ITCH: variants seen among roughly 807,000 people sequenced by gnomAD.
ITCH encodes the protein itchy E3 ubiquitin protein ligase, also known as E3 ubiquitin-protein ligase Itchy homolog.
Under a neutral mutation model 126.8 loss-of-function variants are expected in ITCH, and 28 were observed. That is an observed-to-expected ratio of 0.22 (90% confidence interval 0.16 to 0.30). The LOEUF (loss-of-function observed/expected upper bound fraction) is 0.30. ITCH is among the 10% of genes least tolerant of loss of function. ITCH has a pLI of 1.00. For missense variants in ITCH, 631 were observed against 1,032.4 expected (o/e 0.61, Z 5.33); for synonymous variants, 342 against 340.0 (o/e 1.01, Z -0.06).
At position 34,369,349 on chromosome 20, in the gene ITCH, A is replaced by AAAC. The variant is rs528761066; in HGVS notation, c.-98-43_-98-42insCAA. The AAAC allele has an allele frequency of 1.3e-3, 398 of 313,496 alleles. 3 individuals are homozygous for AAAC. The highest frequency in any genetic ancestry group is 0.011 in the African/African-American group (310 of 27,480). 19.4% of individuals were successfully genotyped at this position (313,496 alleles called of 1,614,324 possible). A position where few individuals can be genotyped will look rare whatever the true frequency, so the allele number is the denominator to read the frequency against. ...TCCATCTCAAAAACAAACAAACAAA[A>AAAC]AAATATAGAAGTAATGTGTTAATGG... On this transcript the variant is annotated intron_variant, in intron 1 of 24. Transcript: ENST00000374864.
intron 2 of ITCH, among the ~76,000 whole-genome samples, chr20:34,381,754 T>A (rs893788690): frequency 1.3e-5 from 2 of 151,620 alleles, no homozygotes; most frequent in East Asian, 3.9e-4. Context: ...CCCAGCTATT[T>A]GGGGGAGAAT....
At chr20:34,450,613 A>G (rs1229009004) in intron 12 of ITCH, among the ~76,000 whole-genome samples, 3 of 152,268 alleles carry the variant, frequency 2.0e-5, no homozygotes, top group Non-Finnish European at 4.4e-5. Context: ...CATAGAAGCA[A>G]GATAATAATA....
intron 2 of ITCH, among the ~76,000 whole-genome samples, chr20:34,374,656 C>T (rs1406959801): frequency 1.3e-5 from 2 of 151,998 alleles, no homozygotes; most frequent in Non-Finnish European, 2.9e-5. Flanking sequence ...AATGACAGAT[C>T]AGACTGGGAC....
At position 34,479,569 on chromosome 20, in the gene ITCH, T is replaced by C. The variant is rs75863647; in HGVS notation, c.1659-61T>C. The stretch of plus-strand genomic sequence containing the variant: ...TAGATCCCTGAGAACTTTATAGCAC[T>C]GTTCTTTGATTTCTTGGTAACCTAC... On this transcript the variant is annotated intron_variant, in intron 17 of 24. Transcript: ENST00000374864. 358 of 1,418,990 alleles carry C rather than the reference T, an allele frequency of 2.5e-4. No individual in the cohort carries two copies. The African/African-American group carries it at 4.6e-3, about 18-fold the overall frequency. 87.9% of individuals were successfully genotyped at this position (1,418,990 alleles called of 1,614,324 possible).
intron 16 of ITCH, chr20:34,476,542 G>T: frequency 1.1e-6 from 1 of 932,734 alleles, no homozygotes; most frequent in Non-Finnish European, 1.4e-6. Flanking sequence ...TTTCTCATTT[G>T]CGTTGCTGTA....
At chr20:34,367,165 G>T (rs757679423) in intron 1 of ITCH, among the ~76,000 whole-genome samples, 1 of 152,116 alleles carries the variant, frequency 6.6e-6, no homozygotes, top group South Asian at 2.1e-4. Context: ...ATTTGGAAGA[G>T]AACTTGAAGT....
At chr20:34,476,514 A>T (rs1194968182) in intron 16 of ITCH, 3 of 1,122,364 alleles carry the variant, frequency 2.7e-6, no homozygotes, top group African/African-American at 1.6e-5. Context: ...ATTTAAAGAT[A>T]GTTTTAACCT....
rs1016991485 is a variant in ITCH, at chr20:34,497,072, C to T, written c.2416+4475C>T. On this transcript the variant is annotated intron_variant, in intron 23 of 24. Coordinates refer to ENST00000374864, the MANE Select transcript of ITCH (RefSeq NM_031483.7). ...AGTACAGTGGCGAGATCTCGGCTCC[C>T]CACAACCTCCGCCTCCCAGGATCAA... Among the ~76,000 whole-genome samples the T allele has an allele frequency of 2.6e-5, 4 of 151,952 alleles. No homozygotes were observed. In the East Asian group the frequency reaches 5.9e-4, roughly 22 times the overall value.
intron 24 of ITCH, among the ~76,000 whole-genome samples, chr20:34,505,452 C>T (rs974516870): frequency 6.6e-6 from 1 of 152,176 alleles, no homozygotes; most frequent in Non-Finnish European, 1.5e-5. Context: ...CAGTCACTCC[C>T]TTTTTACCCC....
intron 14 of ITCH, among the ~76,000 whole-genome samples, chr20:34,463,061 G>A (rs934901456): frequency 1.3e-5 from 2 of 152,046 alleles, no homozygotes; most frequent in African/African-American, 4.8e-5. Flanking sequence ...CTGAACATTG[G>A]TATATAATTT....
Position 34,462,076 on chromosome 20 carries a change from T to C in ITCH, c.1296-17T>C. On this transcript the variant is annotated splice_polypyrimidine_tract_variant and intron_variant, in intron 13 of 24. Coordinates refer to ENST00000374864, the MANE Select transcript of ITCH (RefSeq NM_031483.7). ...CTCTTTAATATTTTTGTTTATGTTTTTTCCTGTGTTTCGTAGTCAATTAAA... is the reference window on the plus strand; with the variant it reads ...CTCTTTAATATTTTTGTTTATGTTTCTTCCTGTGTTTCGTAGTCAATTAAA... The C allele has an allele frequency of 6.2e-7, 1 of 1,612,938 alleles. No individual in the cohort carries two copies.
intron 12 of ITCH, among the ~76,000 whole-genome samples, chr20:34,456,184 G>GTATATATA (rs1326551793): frequency 6.3e-5 from 3 of 47,260 alleles, no homozygotes; most frequent in Non-Finnish European, 1.0e-4. Context: ...GTGTGTGTGT[G>GTATATATA]TATATATATA....
At chr20:34,382,751 A>G (rs1412428149) in intron 2 of ITCH, among the ~76,000 whole-genome samples, 1 of 142,356 alleles carries the variant, frequency 7.0e-6, no homozygotes, top group Non-Finnish European at 1.5e-5. Flanking sequence ...TATTATTATT[A>G]TTATTATTTT....
rs147636046 is a variant in ITCH, at chr20:34,481,093, G to A, written c.1980G>A (p.Leu660=). The A allele has an allele frequency of 8.3e-5, 134 of 1,613,484 alleles. No homozygotes were observed. In the Middle Eastern group the frequency reaches 1.7e-3, roughly 20 times the overall value. ...VKENNIEECD[L]EMYFSVDKEI... is the part of the protein sequence containing the mutation. ...AAAACAATATTGAGGAATGTGATTT[G>A]GAAATGTACTTCTCCGTTGACAAAG... Residue 660 remains leucine (L), a synonymous_variant, in exon 20 of 25, where the codon TTG becomes TTA. Transcript: ENST00000374864.
intron 20 of ITCH, among the ~76,000 whole-genome samples, chr20:34,486,011 A>AT (rs1423961712): frequency 6.6e-6 from 1 of 151,746 alleles, no homozygotes; most frequent in Non-Finnish European, 1.5e-5. Context: ...ATATCCCACA[A>AT]TTTTTTGTTG....
intron 4 of ITCH, among the ~76,000 whole-genome samples, chr20:34,412,308 A>G (rs1233551392): frequency 6.6e-6 from 1 of 152,254 alleles, no homozygotes; most frequent in Non-Finnish European, 1.5e-5. Flanking sequence ...TCTGTAGTTC[A>G]ACTGCAAGTG....
chr20:34,476,952 A>G (rs957882219), intron 16 of ITCH, among the ~76,000 whole-genome samples: 1 of 151,998 alleles, frequency 6.6e-6, no homozygotes, highest in African/African-American at 2.4e-5. Flanking sequence ...AAATATGAAG[A>G]TGATCCTATT....
At chr20:34,395,821 C>T (rs961052063) in intron 3 of ITCH, among the ~76,000 whole-genome samples, 8 of 151,918 alleles carry the variant, frequency 5.3e-5, no homozygotes, top group African/African-American at 9.7e-5. Flanking sequence ...TATGAGTATA[C>T]GAAATTTTAA....
intron 12 of ITCH, among the ~76,000 whole-genome samples, chr20:34,456,169 T>C (rs974970987): frequency 3.5e-4 from 13 of 37,088 alleles, no homozygotes; most frequent in Admixed American, 2.9e-3. Flanking sequence ...TGTGTGTGTG[T>C]GTGTGTGTGT....
Sources: gnomAD v4.1 joint callset for allele counts (sites outside exome capture counted in the v4.1 genomes callset) on GRCh38, gnomAD v4.1.1 for gene constraint, MANE v1.5 for transcripts, NCBI Gene and HGNC (gene_info 2026-07-23, HGNC 2026-07-21) for gene names.